SUMF1: variants seen among roughly 807,000 people sequenced by gnomAD.
SUMF1 encodes formylglycine-generating enzyme.
In SUMF1, 48 loss-of-function variants were observed where a neutral mutation model predicts 47.6. The ratio of observed to expected loss-of-function variants is 1.01; its 90% CI spans 0.80 to 1.28. The LOEUF (loss-of-function observed/expected upper bound fraction) is 1.28. SUMF1 is among the 50% of genes most tolerant of loss of function. The pLI is 0.00. For missense variants in SUMF1, 571 were observed against 485.4 expected, an observed-to-expected ratio of 1.18 and a Z score of -1.66; for synonymous variants, 230 against 192.1, an observed-to-expected ratio of 1.20 and a Z score of -1.63.
In SUMF1 at chr3:4,189,225, G is replaced by A. The variant is rs150600161; in HGVS notation, c.1015-120480C>T. Among the ~76,000 whole-genome samples the A allele has an allele frequency of 5.7e-3, 862 of 152,084 alleles. 29 individuals are homozygous for A. Among genetic ancestry groups the A allele is most frequent in the Admixed American group, 0.048 (733 of 15,256 alleles). On this transcript the variant is annotated intron_variant and NMD_transcript_variant, in intron 8 of 12. Transcript: ENST00000448413. Reference sequence around the variant, plus strand: ...GGACAGAACAGGAAAGCCTATTTGCGGGGAGGGGTCCAAAATTGGGAGAGG... The same window carrying A: ...GGACAGAACAGGAAAGCCTATTTGCAGGGAGGGGTCCAAAATTGGGAGAGG...
chr3:4,246,586 G>A lies in SUMF1; in HGVS notation c.1014+129744C>T, dbSNP rs112951695. Among the ~76,000 whole-genome samples, 4 of 152,144 alleles carry A rather than the reference G, an allele frequency of 2.6e-5. 1 individual carries two copies. The highest frequency in any genetic ancestry group is 1.9e-4 in the East Asian group (1 of 5,166). On this transcript the variant is annotated intron_variant and NMD_transcript_variant, in intron 8 of 12. Coordinates refer to the SUMF1 transcript ENST00000448413. ...CCGGCTAATTATTGTATTTTTAGTA[G>A]AGACAGGGTTTCACTATGTTGGCCA...
chr3:4,086,715 C>A (rs536610623), intron 8 of SUMF1, among the ~76,000 whole-genome samples: 1 of 151,978 alleles, frequency 6.6e-6, no homozygotes, highest in Non-Finnish European at 1.5e-5. Context: ...CCCATAATAC[C>A]CTCATATTGT....
At chr3:4,179,367 T>A (rs1198039217) in intron 8 of SUMF1, among the ~76,000 whole-genome samples, 3 of 152,202 alleles carry the variant, frequency 2.0e-5, no homozygotes, top group Middle Eastern at 3.4e-3. Flanking sequence ...AACAGAGGCT[T>A]CAGAAATACC....
intron 8 of SUMF1, among the ~76,000 whole-genome samples, chr3:4,165,284 C>T (rs1256862215): frequency 1.3e-5 from 2 of 152,148 alleles, no homozygotes; most frequent in African/African-American, 2.4e-5. Flanking sequence ...TCAGGTCTAC[C>T]TTGATCTGCT....
intron 8 of SUMF1, among the ~76,000 whole-genome samples, chr3:4,173,374 G>A (rs925359254): frequency 6.6e-6 from 1 of 152,152 alleles, no homozygotes; most frequent in African/African-American, 2.4e-5. Flanking sequence ...AAAATGTCAG[G>A]AAACAACAGA....
At chr3:4,422,590 T>C (rs1279335173) in intron 3 of SUMF1, among the ~76,000 whole-genome samples, 1 of 152,082 alleles carries the variant, frequency 6.6e-6, no homozygotes, top group African/African-American at 2.4e-5. Context: ...ACTGCTTCTA[T>C]CAATATTCTT....
intron 8 of SUMF1, among the ~76,000 whole-genome samples, chr3:4,112,045 A>T (rs1005176212): frequency 6.6e-6 from 1 of 152,150 alleles, no homozygotes; most frequent in African/African-American, 2.4e-5. Flanking sequence ...TTCTAAGAAG[A>T]TATATGTGAT....
intron 8 of SUMF1, among the ~76,000 whole-genome samples, chr3:4,312,586 TTGTAGC>T (rs1698449289): frequency 6.6e-6 from 1 of 151,978 alleles, no homozygotes; most frequent in African/African-American, 2.4e-5. Context: ...TGGTTCCCAC[TTGTAGC>T]TGTAGCAGCT....
intron 8 of SUMF1, among the ~76,000 whole-genome samples, chr3:4,181,288 T>C (rs1279205426): frequency 6.6e-6 from 1 of 152,148 alleles, no homozygotes; most frequent in African/African-American, 2.4e-5. Context: ...CCTTCCTCAT[T>C]CCTAGTTTGT....
intron 9 of SUMF1, chr3:4,068,475 T>G (rs1486127111): frequency 5.6e-6 from 1 of 178,138 alleles, no homozygotes; most frequent in African/African-American, 2.4e-5. Context: ...AAATATTATT[T>G]CAACATGTAA....
At position 4,040,728 on chromosome 3, in the gene SUMF1, A is replaced by G. The variant is rs570002302; in HGVS notation, c.1191+27841T>C. On this transcript the variant is annotated intron_variant and NMD_transcript_variant, in intron 9 of 12. Transcript: ENST00000448413. ...GGTTTTAGTAGACAGTGAGCTTAAT[A>G]CAGTTCAACAGTGTGCAATGTTGAT... is the stretch of plus-strand genomic sequence containing the variant. Among the ~76,000 whole-genome samples, 23 of 152,338 alleles carry G rather than the reference A, an allele frequency of 1.5e-4. No homozygotes were observed. The South Asian group carries it at 3.7e-3, about 25-fold the overall frequency.
chr3:4,063,380 T>C lies in SUMF1; in HGVS notation c.1191+5189A>G, dbSNP rs370984623. On this transcript the variant is annotated intron_variant and NMD_transcript_variant, in intron 9 of 12. Transcript: ENST00000448413. ...ACAGAGACTGCACACAAAATGTTTT[T>C]GTGTCCTGTAGTTCACTTTTTGATG... 3.9e-5 allele frequency among the ~76,000 whole-genome samples: 6 copies of C among 152,250 alleles called. No individual in the cohort carries two copies. In the South Asian group the frequency reaches 1.2e-3, roughly 32 times the overall value.
intron 8 of SUMF1, among the ~76,000 whole-genome samples, chr3:4,246,652 A>G (rs1267464084): frequency 2.0e-5 from 3 of 152,132 alleles, no homozygotes; most frequent in African/African-American, 7.2e-5. Context: ...CACCTGCCTC[A>G]GCATCCCAAA....
At chr3:4,415,880 T>C (rs1042572161) in intron 6 of SUMF1, among the ~76,000 whole-genome samples, 1 of 152,214 alleles carries the variant, frequency 6.6e-6, no homozygotes, top group Non-Finnish European at 1.5e-5. Context: ...TTGCCCGCCT[T>C]CTGCCTTCTG....
intron 7 of SUMF1, among the ~76,000 whole-genome samples, chr3:4,403,237 G>A (rs926679273): frequency 4.6e-5 from 7 of 152,186 alleles, no homozygotes; most frequent in Non-Finnish European, 8.8e-5. Flanking sequence ...CATCTGGGAA[G>A]CCACAGTTAC....
At chr3:4,095,257 A>T (rs1295692864) in intron 8 of SUMF1, among the ~76,000 whole-genome samples, 1 of 151,986 alleles carries the variant, frequency 6.6e-6, no homozygotes, top group Non-Finnish European at 1.5e-5. Flanking sequence ...AGCTTTTAAA[A>T]CTCTGACCAT....
intron 8 of SUMF1, among the ~76,000 whole-genome samples, chr3:4,330,081 C>G (rs1300884981): frequency 6.6e-6 from 1 of 152,226 alleles, no homozygotes; most frequent in Non-Finnish European, 1.5e-5. Flanking sequence ...TCATCTCCAT[C>G]TGAGACCACC....
intron 8 of SUMF1, among the ~76,000 whole-genome samples, chr3:4,148,958 G>A (rs955489159): frequency 9.2e-5 from 14 of 152,090 alleles, no homozygotes; most frequent in African/African-American, 3.1e-4. Flanking sequence ...ACAATTTAAA[G>A]AGCATAGGAC....
intron 8 of SUMF1, among the ~76,000 whole-genome samples, chr3:4,173,788 C>G (rs1383693718): frequency 3.3e-5 from 5 of 152,172 alleles, no homozygotes; most frequent in Middle Eastern, 3.4e-3. Context: ...AAGAGAAAAT[C>G]AAACACCGCA....
Sources: gnomAD v4.1 joint callset for allele counts (sites outside exome capture counted in the v4.1 genomes callset) on GRCh38, gnomAD v4.1.1 for gene constraint, MANE v1.5 for transcripts, NCBI Gene and HGNC (gene_info 2026-07-23, HGNC 2026-07-21) for gene names.